PDE10A: variants seen among roughly 807,000 people sequenced by gnomAD.
The protein encoded by PDE10A is phosphodiesterase 10A.
Under a neutral mutation model 97.7 loss-of-function variants are expected in PDE10A, and 39 were observed. That is an observed-to-expected ratio of 0.40 (90% CI 0.31 to 0.52). The LOEUF is 0.52. PDE10A is among the 20% of genes least tolerant of loss of function. The probability of loss-of-function intolerance (pLI) is 0.56; values close to 1 mark genes in which losing one functional copy is unlikely to be tolerated. For missense variants in PDE10A, 731 were observed against 1,047.8 expected, an observed-to-expected ratio of 0.70 and a Z score of 4.17; for synonymous variants, 371 against 376.8, an observed-to-expected ratio of 0.98 and a Z score of 0.18.
At chr6:165,600,940 G>C (rs1054539501) in intron 1 of PDE10A, among the ~76,000 whole-genome samples, 1 of 152,180 alleles carries the variant, frequency 6.6e-6, no homozygotes, top group East Asian at 1.9e-4. Flanking sequence ...TTGGAAGCAA[G>C]ATTAGCTAAG....
Position 165,329,424 on chromosome 6 carries a change from A to T in PDE10A, c.*3601T>A, listed in dbSNP as rs1391248666. 6.6e-6 allele frequency: 1 copy of T among 152,232 alleles called. No homozygotes were observed. The highest frequency in any genetic ancestry group is 1.9e-4 in the East Asian group (1 of 5,202). The allele number at this position is 152,232 out of a possible 1,614,324, so 9.4% of individuals were successfully genotyped here. A position where few individuals can be genotyped will look rare whatever the true frequency, so the allele number is the denominator to read the frequency against. ...AGAAAAGCAAAATAATAAATACATG[A>T]ATGAAGAAGTAAAATTGCAGTATTT... On this transcript the variant is annotated 3_prime_UTR_variant, in exon 22 of 22. Transcript: ENST00000539869.
intron 1 of PDE10A, among the ~76,000 whole-genome samples, chr6:165,872,297 C>A (rs1583216109): frequency 2.0e-5 from 3 of 152,114 alleles, no homozygotes; most frequent in Non-Finnish European, 4.4e-5. Flanking sequence ...GAAACCCCAC[C>A]GAAAAATATT....
At chr6:165,368,741 T>C (rs911770600) in intron 18 of PDE10A, among the ~76,000 whole-genome samples, 1 of 152,172 alleles carries the variant, frequency 6.6e-6, no homozygotes, top group East Asian at 1.9e-4. Flanking sequence ...TCCCAGCACG[T>C]AGCTGGAGAT....
At chr6:165,589,761 T>C (rs1161592528) in intron 1 of PDE10A, among the ~76,000 whole-genome samples, 1 of 152,178 alleles carries the variant, frequency 6.6e-6, no homozygotes, top group Non-Finnish European at 1.5e-5. Context: ...ATTGTCTATA[T>C]TCCAGGCTAA....
At chr6:165,358,101 T>C (rs1438545774) in intron 18 of PDE10A, among the ~76,000 whole-genome samples, 1 of 152,164 alleles carries the variant, frequency 6.6e-6, no homozygotes. Context: ...TACTGTTTAC[T>C]TTCCAAATGG....
chr6:165,471,592 C>CCCT (rs771909386), intron 3 of PDE10A, among the ~76,000 whole-genome samples: 25 of 152,248 alleles, frequency 1.6e-4, no homozygotes, highest in Non-Finnish European at 3.5e-4. Flanking sequence ...ATCCTGCAGG[C>CCCT]CCTCCCATGG....
chr6:165,599,344 T>C (rs1174309241), intron 1 of PDE10A, among the ~76,000 whole-genome samples: 3 of 152,196 alleles, frequency 2.0e-5, no homozygotes, highest in Non-Finnish European at 4.4e-5. Flanking sequence ...TCCCTCGCAA[T>C]AGGTATGACT....
intron 1 of PDE10A, among the ~76,000 whole-genome samples, chr6:165,691,106 T>TCTCTCTCTC (rs143783728): frequency 0.039 from 1,530 of 39,042 alleles, 266 homozygotes; most frequent in East Asian, 0.056. Flanking sequence ...TCTTTCTCTC[T>TCTCTCTCTC]CCCCCCCCCC....
At chr6:165,827,262 C>T (rs866685380) in intron 1 of PDE10A, among the ~76,000 whole-genome samples, 2 of 152,330 alleles carry the variant, frequency 1.3e-5, no homozygotes, top group Middle Eastern at 3.4e-3. Context: ...CCCTCCAGAC[C>T]CCACGCCCAT....
chr6:165,469,648 G>T (rs1778870217), intron 3 of PDE10A, among the ~76,000 whole-genome samples: 1 of 151,996 alleles, frequency 6.6e-6, no homozygotes, highest in East Asian at 1.9e-4. Context: ...ATCTGGGTGA[G>T]AAGTTATCAT....
intron 13 of PDE10A, among the ~76,000 whole-genome samples, chr6:165,396,778 ATTT>A (rs945369546): frequency 1.1e-4 from 17 of 152,330 alleles, no homozygotes; most frequent in South Asian, 4.1e-4. Flanking sequence ...AATTAAACAC[ATTT>A]TATTATCAGA....
At chr6:165,516,458 T>A (rs547898656) in intron 2 of PDE10A, among the ~76,000 whole-genome samples, 1 of 152,276 alleles carries the variant, frequency 6.6e-6, no homozygotes, top group South Asian at 2.1e-4. Context: ...GAGGCTCTCC[T>A]GCCCCTGTTT....
At chr6:165,384,898 A>T (rs904104117) in intron 17 of PDE10A, among the ~76,000 whole-genome samples, 1 of 152,134 alleles carries the variant, frequency 6.6e-6, no homozygotes, top group African/African-American at 2.4e-5. Context: ...ATTTCCAACC[A>T]TCATACACAA....
At chr6:165,976,460 G>A (rs1233273926) in intron 1 of PDE10A, among the ~76,000 whole-genome samples, 1 of 152,102 alleles carries the variant, frequency 6.6e-6, no homozygotes, top group Non-Finnish European at 1.5e-5. Context: ...ATAGCTCAAA[G>A]CCAAGAGTTT....
At chr6:165,860,337 C>T (rs1780865554) in intron 1 of PDE10A, among the ~76,000 whole-genome samples, 1 of 152,152 alleles carries the variant, frequency 6.6e-6, no homozygotes. Flanking sequence ...CCTGTAATCC[C>T]AGCTACTCGG....
chr6:165,647,754 G>C (rs1789473645), intron 1 of PDE10A, among the ~76,000 whole-genome samples: 1 of 152,154 alleles, frequency 6.6e-6, no homozygotes, highest in South Asian at 2.1e-4. Flanking sequence ...AGCCCCTTTG[G>C]ACGTCACTTG....
At chr6:165,396,264 T>C (rs1003073039) in intron 14 of PDE10A, 53 bp downstream of exon 14, 63 of 1,547,196 alleles carry the variant, frequency 4.1e-5, no homozygotes, top group Middle Eastern at 1.7e-4. Context: ...TCACTTTAAG[T>C]TCAATTCAAT....
chr6:165,416,040 T>A, intron 12 of PDE10A, 149 bp downstream of exon 12: 1 of 627,696 alleles, frequency 1.6e-6, no homozygotes, highest in Non-Finnish European at 2.9e-6. Context: ...ATATACTGAC[T>A]ATTGATAGCA....
intron 1 of PDE10A, among the ~76,000 whole-genome samples, chr6:165,973,104 A>T (rs1164673252): frequency 2.0e-5 from 3 of 152,200 alleles, no homozygotes; most frequent in African/African-American, 7.2e-5. Flanking sequence ...ATTCAAAAAA[A>T]TACTGGTTGA....
Sources: allele counts gnomAD v4.1 joint callset (sites outside exome capture counted in the v4.1 genomes callset), GRCh38; gene constraint gnomAD v4.1.1; transcripts MANE v1.5; gene names NCBI Gene and HGNC (gene_info 2026-07-23, HGNC 2026-07-21).